Variants in TNFAIP8 observed in about 807,000 individuals in gnomAD.
The protein encoded by TNFAIP8 is TNF alpha induced protein 8, also known as tumor necrosis factor alpha-induced protein 8.
TNFAIP8 carries 7 observed loss-of-function variants against 13.3 expected under a neutral mutation model. The observed-to-expected ratio is 0.52, with a 90% CI of 0.30 to 0.99. The LOEUF (loss-of-function observed/expected upper bound fraction) is 0.99, where lower values mean the gene tolerates loss of function less well. Ranked by LOEUF, TNFAIP8 falls within the 50% of genes least tolerant of loss-of-function variation. TNFAIP8 has a pLI of 0.07. For missense variants in TNFAIP8, 258 were observed against 236.9 expected (o/e 1.09, Z -0.58); for synonymous variants, 94 against 87.6 (o/e 1.07, Z -0.41).
chr5:119,268,773 C>T (rs1748166262), exon 1 of TNFAIP8: 1 of 673,528 alleles, frequency 1.5e-6, no homozygotes, highest in Non-Finnish European at 2.7e-6. Flanking sequence ...GCCTCCTTTT[C>T]TCCCGCCGGC....
chr5:119,281,088 A>G (rs1393123997), intron 1 of TNFAIP8, among the ~76,000 whole-genome samples: 2 of 151,814 alleles, frequency 1.3e-5, no homozygotes, highest in Non-Finnish European at 2.9e-5. Context: ...CTGCTCTTTG[A>G]TTTGTTAAGG....
upstream of TNFAIP8, among the ~76,000 whole-genome samples, chr5:119,353,239 G>A (rs1751243301): frequency 6.6e-6 from 1 of 152,202 alleles, no homozygotes. Context: ...TCATTATGAT[G>A]TACTGGACCA....
intron 1 of TNFAIP8, among the ~76,000 whole-genome samples, chr5:119,315,052 T>TTGTG (rs3055627): frequency 6.6e-6 from 1 of 151,854 alleles, no homozygotes; most frequent in African/African-American, 2.4e-5. Context: ...CGGCTAATTT[T>TTGTG]TGTGTGTGTG....
intron 1 of TNFAIP8, among the ~76,000 whole-genome samples, chr5:119,348,980 C>T (rs1429139791): frequency 1.3e-5 from 2 of 150,752 alleles, no homozygotes; most frequent in Non-Finnish European, 3.0e-5. Context: ...TTTCCTTCTG[C>T]TGCTTTTCTG....
At chr5:119,375,347 T>C (rs930051487) in intron 1 of TNFAIP8, among the ~76,000 whole-genome samples, 2 of 152,228 alleles carry the variant, frequency 1.3e-5, no homozygotes, top group African/African-American at 4.8e-5. Flanking sequence ...AGTGGTGGAC[T>C]TTCTTTTAGA....
At chr5:119,312,565 A>G (rs1448350407) in intron 1 of TNFAIP8, among the ~76,000 whole-genome samples, 1 of 152,022 alleles carries the variant, frequency 6.6e-6, no homozygotes, top group Non-Finnish European at 1.5e-5. Context: ...GAGGGGGCAC[A>G]TTTGTTTAAA....
At chr5:119,311,573 C>CA (rs764792324) in intron 1 of TNFAIP8, among the ~76,000 whole-genome samples, 28 of 149,858 alleles carry the variant, frequency 1.9e-4, no homozygotes, top group African/African-American at 6.6e-4. Flanking sequence ...CCTGTGGTCC[C>CA]AGCTACTTGG....
chr5:119,292,628 A>G (rs1375958049), intron 1 of TNFAIP8, among the ~76,000 whole-genome samples: 39 of 131,970 alleles, frequency 3.0e-4, no homozygotes, highest in Non-Finnish European at 5.6e-4. Context: ...CAATTAGTGA[A>G]TGAATAATCA....
chr5:119,390,864 G>A (rs1182773296), intron 1 of TNFAIP8, among the ~76,000 whole-genome samples: 2 of 152,026 alleles, frequency 1.3e-5, no homozygotes, highest in Non-Finnish European at 2.9e-5. Context: ...TGTTGCCCAG[G>A]CTGGAGTGCA....
At chr5:119,302,102 C>T (rs1046177393) in intron 1 of TNFAIP8, among the ~76,000 whole-genome samples, 5 of 152,210 alleles carry the variant, frequency 3.3e-5, no homozygotes, top group Admixed American at 3.3e-4. Context: ...GTTATTCACT[C>T]ACCAGATATT....
At position 119,368,043 on chromosome 5, in the gene TNFAIP8, A is replaced by G. The variant is rs994977847; in HGVS notation, c.31+11922A>G. On this transcript the variant is annotated intron_variant, in intron 1 of 1. Coordinates refer to ENST00000504771, the MANE Select transcript of TNFAIP8 (RefSeq NM_014350.4). The stretch of plus-strand genomic sequence containing the variant: ...AAGTCATCTCCCCACTGAGGTAGGT[A>G]ATGGTGAAATAATGTTTCCCTGCCT... Among the ~76,000 whole-genome samples, 53 of 152,182 alleles carry G rather than the reference A, an allele frequency of 3.5e-4. 1 individual carries two copies. Among genetic ancestry groups the G allele is most frequent in the Non-Finnish European group, 7.4e-5 (5 of 68,026 alleles).
intron 1 of TNFAIP8, among the ~76,000 whole-genome samples, chr5:119,387,212 C>T (rs969528717): frequency 6.6e-6 from 1 of 152,142 alleles, no homozygotes; most frequent in Non-Finnish European, 1.5e-5. Context: ...TTGTTCTGGC[C>T]ACTTTCTTAT....
At chr5:119,282,072 T>TGCTAAA (rs1290451190) in intron 1 of TNFAIP8, among the ~76,000 whole-genome samples, 1 of 152,234 alleles carries the variant, frequency 6.6e-6, no homozygotes, top group African/African-American at 2.4e-5. Context: ...CTTTTCAGAG[T>TGCTAAA]ATCAACTATA....
At chr5:119,280,346 A>G (rs186411986) in intron 1 of TNFAIP8, among the ~76,000 whole-genome samples, 2 of 150,366 alleles carry the variant, frequency 1.3e-5, no homozygotes, top group Non-Finnish European at 3.0e-5. Context: ...AAAAAAAAAG[A>G]TGTTTAAGTC....
chr5:119,301,842 T>TA (rs1749404989), intron 1 of TNFAIP8, among the ~76,000 whole-genome samples: 1 of 152,212 alleles, frequency 6.6e-6, no homozygotes, highest in Admixed American at 6.5e-5. Flanking sequence ...CCAACCCAGA[T>TA]ACTGAGGATA....
At chr5:119,363,308 T>C (rs1190384348) in intron 1 of TNFAIP8, among the ~76,000 whole-genome samples, 4 of 152,176 alleles carry the variant, frequency 2.6e-5, no homozygotes, top group Admixed American at 2.6e-4. Context: ...GAATATATCA[T>C]CAGTATTCAG....
chr5:119,368,766 C>A (rs1751965513), intron 1 of TNFAIP8, among the ~76,000 whole-genome samples: 1 of 152,126 alleles, frequency 6.6e-6, no homozygotes, highest in Non-Finnish European at 1.5e-5. Context: ...ATTTGCCAAA[C>A]TTAGCAATAA....
intron 1 of TNFAIP8, among the ~76,000 whole-genome samples, chr5:119,323,570 GT>G (rs1750127277): frequency 6.6e-6 from 1 of 152,142 alleles, no homozygotes; most frequent in South Asian, 2.1e-4. Context: ...TGATTCCAGA[GT>G]CAAAAGTTGC....
At chr5:119,368,467 GTGTT>G (rs1179164281) in intron 1 of TNFAIP8, among the ~76,000 whole-genome samples, 1 of 151,208 alleles carries the variant, frequency 6.6e-6, no homozygotes, top group Admixed American at 6.6e-5. Flanking sequence ...GTGCGTGTGT[GTGTT>G]TGTGTTGGGG....
Sources: allele counts gnomAD v4.1 joint callset (sites outside exome capture counted in the v4.1 genomes callset), GRCh38; gene constraint gnomAD v4.1.1; transcripts MANE v1.5; gene names NCBI Gene and HGNC (gene_info 2026-07-23, HGNC 2026-07-21).